The following TSPAN1 variants were observed in gnomAD, a reference collection of about 807,000 sequenced individuals.
The protein encoded by TSPAN1 is tetraspanin 1.
A neutral mutation model predicts 26.9 loss-of-function variants in TSPAN1; 23 were observed. The ratio of observed to expected loss-of-function variants is 0.85; its 90% CI spans 0.62 to 1.21. The LOEUF (loss-of-function observed/expected upper bound fraction) is 1.21, where lower values mean the gene tolerates loss of function less well. Among genes scored for constraint, TSPAN1 ranks in the 50% most tolerant of loss-of-function variants. TSPAN1 has a pLI of 0.00. For missense variants in TSPAN1, 283 were observed against 298.4 expected, an observed-to-expected ratio of 0.95 and a Z score of 0.38; for synonymous variants, 115 against 114.8, an observed-to-expected ratio of 1.00 and a Z score of -0.01.
chr1:46,181,288 T>C, intron 3 of TSPAN1, 124 bp downstream of exon 3: 1 of 929,604 alleles, frequency 1.1e-6, no homozygotes, highest in Admixed American at 2.2e-5. Context: ...TGTCCCCTTA[T>C]GAGTGGGATG....
chr1:46,187,078 G>A (rs1477002011), downstream of TSPAN1, among the ~76,000 whole-genome samples: 3 of 152,242 alleles, frequency 2.0e-5, no homozygotes, highest in African/African-American at 4.8e-5. Flanking sequence ...AAAGAGCTGG[G>A]ATTACAGGCG....
At chr1:46,196,202 T>C in the TSPAN1 span, 10 of 1,553,310 alleles carry the variant, frequency 6.4e-6, no homozygotes, top group East Asian at 2.4e-4. The surrounding 1 kb of genome is among the most constrained non-coding windows in gnomAD (Gnocchi z 4.4). Flanking sequence ...GTTCACACAG[T>C]TCTTTTCCAA....
At position 46,176,356 on chromosome 1, in the gene TSPAN1, C is replaced by A. The variant is rs1010584766; in HGVS notation, c.-142+947C>A. 6 of 1,535,736 alleles carry A rather than the reference C, an allele frequency of 3.9e-6. No homozygotes were observed. The Admixed American group carries it at 1.2e-4, about 30-fold the overall frequency. Reference sequence around the variant, plus strand: ...TCGGAGACCCTGTTGATATCTTCTGCGGCTACACTTGAACATCCTGGGAAA... The same window carrying A: ...TCGGAGACCCTGTTGATATCTTCTGAGGCTACACTTGAACATCCTGGGAAA... On this transcript the variant is annotated intron_variant, in intron 1 of 8. Coordinates refer to ENST00000372003, the MANE Select transcript of TSPAN1 (RefSeq NM_005727.4).
chr1:46,194,672 G>A, the TSPAN1 span: 2 of 1,614,278 alleles, frequency 1.2e-6, no homozygotes, highest in South Asian at 1.1e-5. Context: ...GCAGGAATGA[G>A]GGCCATGGGG....
chr1:46,195,460 A>C, the TSPAN1 span: 1 of 382,062 alleles, frequency 2.6e-6, no homozygotes. Context: ...TCTATCATTC[A>C]TTATCCCCTG....
intron 3 of TSPAN1, chr1:46,183,741 G>A: frequency 5.3e-6 from 1 of 190,456 alleles, no homozygotes; most frequent in South Asian, 1.1e-4. Flanking sequence ...TGGAACCTCA[G>A]CCTCGCCTCC....
Position 46,185,285 on chromosome 1 carries a change from G to A in TSPAN1, c.655G>A (p.Ala219Thr). 1.2e-6 allele frequency: 2 copies of A among 1,614,160 alleles called. No individual in the cohort carries two copies. Among genetic ancestry groups the A allele is most frequent in the Non-Finnish European group, 1.7e-6 (2 of 1,180,028 alleles). Residue 219 changes from alanine (A) to threonine (T), a missense_variant, in exon 8 of 9, where the codon GCA becomes ACA. By Grantham distance (58) the Ala-to-Thr change is moderately conservative. Coordinates refer to ENST00000372003, the MANE Select transcript of TSPAN1 (RefSeq NM_005727.4). ...RTNAVTVGGV[A>T]AGIGGLELAA... is the part of the protein sequence containing the mutation. ...TAATGCAGTCACCGTGGGTGGTGTGGCAGCTGGAATTGGGGGCCTCGAGGT... is the reference window on the plus strand; with the variant it reads ...TAATGCAGTCACCGTGGGTGGTGTGACAGCTGGAATTGGGGGCCTCGAGGT...
intron 1 of TSPAN1, among the ~76,000 whole-genome samples, chr1:46,178,457 C>A (rs1557663702): frequency 6.6e-6 from 1 of 151,336 alleles, no homozygotes; most frequent in Admixed American, 6.6e-5. Context: ...CAACTTCATC[C>A]TCCTTTCTGT....
the TSPAN1 span, chr1:46,193,043 A>G: frequency 1.2e-6 from 2 of 1,604,166 alleles, no homozygotes; most frequent in Non-Finnish European, 1.7e-6. Flanking sequence ...TCTTGCAGGC[A>G]GCATTACCCC....
downstream of TSPAN1, chr1:46,190,904 T>A: frequency 1.1e-6 from 1 of 940,328 alleles, no homozygotes; most frequent in Non-Finnish European, 1.7e-6. Flanking sequence ...AAGAGCCCTC[T>A]AATTTCCCAC....
At chr1:46,179,722 C>T (rs1446333576) in intron 1 of TSPAN1, among the ~76,000 whole-genome samples, 2 of 151,844 alleles carry the variant, frequency 1.3e-5, no homozygotes, top group African/African-American at 4.8e-5. Flanking sequence ...CATGGTGCCA[C>T]CTACTGGCAG....
chr1:46,185,306 G>T lies in TSPAN1; in HGVS notation c.676G>T (p.Glu226Ter). 1.2e-6 allele frequency: 2 copies of T among 1,614,008 alleles called. No individual in the cohort carries two copies. The highest frequency in any genetic ancestry group is 1.7e-6 in the Non-Finnish European group (2 of 1,180,006). The change falls in exon 8 of 9, where the codon GAG becomes TAG. Residue 226 changes from glutamate to a stop codon, truncating the protein, a stop_gained and splice_region_variant. Coordinates refer to ENST00000372003, the MANE Select transcript of TSPAN1 (RefSeq NM_005727.4). LOFTEE classifies it high-confidence loss of function. ...GGVAAGIGGL[E>*]LAAMIVSMYL... ...TGTGGCAGCTGGAATTGGGGGCCTC[G>T]AGGTAAGCAGATGAGGAGGCTGGGA...
chr1:46,187,346 G>T (rs1291067276), downstream of TSPAN1, among the ~76,000 whole-genome samples: 1 of 152,164 alleles, frequency 6.6e-6, no homozygotes. Flanking sequence ...CCAGGAGTGA[G>T]AGGCCTGAGG....
At chr1:46,193,208 T>C in the TSPAN1 span, 1 of 1,614,190 alleles carries the variant, frequency 6.2e-7, no homozygotes, top group South Asian at 1.1e-5. Context: ...GAGGCTGGCC[T>C]TGTAGTGCTG....
chr1:46,185,034 C>T lies in TSPAN1; in HGVS notation c.513C>T (p.Pro171=). The T allele has an allele frequency of 1.2e-6, 2 of 1,614,162 alleles. No homozygotes were observed. The highest frequency in any genetic ancestry group is 1.7e-6 in the Non-Finnish European group (2 of 1,180,036). Residue 171 remains proline (P), a synonymous_variant, in exon 7 of 9, where the codon CCC becomes CCT. Coordinates refer to ENST00000372003, the MANE Select transcript of TSPAN1 (RefSeq NM_005727.4). ...ACTTCAAAGAGAACAGTGCCTTTCC[C>T]CCATTCTGTTGCAATGACAACGTCA... ...SPYFKENSAF[P]PFCCNDNVTN... is the part of the protein sequence containing the mutation.
downstream of TSPAN1, chr1:46,189,944 A>G (rs1657622445): frequency 1.9e-6 from 3 of 1,614,016 alleles, no homozygotes; most frequent in Non-Finnish European, 2.5e-6. Flanking sequence ...CTGGCAGGAA[A>G]GAGTCTTCAC....
At chr1:46,177,351 A>ATATCTATCTATCTATC (rs71062742) in intron 1 of TSPAN1, among the ~76,000 whole-genome samples, 19 of 147,774 alleles carry the variant, frequency 1.3e-4, no homozygotes, top group African/African-American at 4.2e-4. Flanking sequence ...AAAAAAAAAT[A>ATATCTATCTATCTATC]TATCTATCTA....
Position 46,184,889 on chromosome 1 carries a change from G to T in TSPAN1, c.438+6G>T, listed in dbSNP as rs374613620. The T allele has an allele frequency of 1.9e-6, 3 of 1,614,096 alleles. No individual in the cohort carries two copies. The highest frequency in any genetic ancestry group is 2.5e-6 in the Non-Finnish European group (3 of 1,180,052). On this transcript the variant is annotated splice_donor_region_variant and intron_variant, in intron 6 of 8. Coordinates refer to ENST00000372003, the MANE Select transcript of TSPAN1 (RefSeq NM_005727.4). ...GGAACACCACCATGAAAGGGGTAAG[G>T]TTGGCTGGGGGAGGTTTTAGGGTGG...
Position 46,185,300 on chromosome 1 carries a change from G to T in TSPAN1, c.670G>T (p.Gly224Cys), listed in dbSNP as rs1463069085. The T allele has an allele frequency of 6.2e-7, 1 of 1,614,076 alleles. No individual in the cohort carries two copies. Among genetic ancestry groups the T allele is most frequent in the African/African-American group, 1.3e-5 (1 of 75,036 alleles). The change falls in exon 8 of 9, where the codon GGC becomes TGC. Residue 224 changes from glycine (G) to cysteine (C), a missense_variant. Gly to Cys is a radical substitution (Grantham distance 159). Transcript: ENST00000372003. ...GGGTGGTGTGGCAGCTGGAATTGGG[G>T]GCCTCGAGGTAAGCAGATGAGGAGG... ...TVGGVAAGIGGLELAAMIVSM... is the reference protein window; with the variant it reads ...TVGGVAAGIGCLELAAMIVSM...
Sources: allele counts gnomAD v4.1 joint callset (sites outside exome capture counted in the v4.1 genomes callset), GRCh38; gene constraint gnomAD v4.1.1; non-coding constraint Gnocchi (gnomAD v3.1); transcripts MANE v1.5; gene names NCBI Gene and HGNC (gene_info 2026-07-23, HGNC 2026-07-21).